Variants in PTPN14 observed in about 807,000 individuals in gnomAD.
The protein encoded by PTPN14 is protein tyrosine phosphatase non-receptor type 14.
In PTPN14, 53 loss-of-function variants were observed where a neutral mutation model predicts 126.8. That is an observed-to-expected ratio of 0.42 (90% CI 0.34 to 0.53). The LOEUF is 0.53. PTPN14 is among the 20% of genes least tolerant of loss of function. The pLI, the probability that PTPN14 is intolerant of heterozygous loss-of-function variation, is 0.08. For synonymous variants in PTPN14, 630 were observed against 599.3 expected, an observed-to-expected ratio of 1.05 and a Z score of -0.75; for missense variants, 1,257 against 1,552.9, an observed-to-expected ratio of 0.81 and a Z score of 3.20.
intron 1 of PTPN14, among the ~76,000 whole-genome samples, chr1:214,467,102 T>C (rs1192341956): frequency 1.3e-5 from 2 of 152,128 alleles, no homozygotes; most frequent in East Asian, 1.9e-4. Flanking sequence ...GTTGGCAGAG[T>C]ATCATGTTTA....
At position 214,381,653 on chromosome 1, in the gene PTPN14, C is replaced by T. The variant is rs372692337; in HGVS notation, c.2544+1658G>A. Among the ~76,000 whole-genome samples, 31 of 152,324 alleles carry T rather than the reference C, an allele frequency of 2.0e-4. No homozygotes were observed. In the South Asian group the frequency reaches 4.3e-3, roughly 21 times the overall value. ...CCCCAGGAACTTGGCTTCCTTAAAA[C>T]TTTGGGCCTTGATTGTTCTTTTCAG... On this transcript the variant is annotated intron_variant, in intron 13 of 18. Coordinates refer to ENST00000366956, the MANE Select transcript of PTPN14 (RefSeq NM_005401.5).
At chr1:214,518,367 ATCC>A (rs1379165870) in intron 1 of PTPN14, among the ~76,000 whole-genome samples, 8 of 152,344 alleles carry the variant, frequency 5.3e-5, no homozygotes, top group Middle Eastern at 3.4e-3. Context: ...GATAAATGAT[ATCC>A]CCAGAATGAC....
chr1:214,491,405 G>A (rs1369614428), intron 1 of PTPN14, among the ~76,000 whole-genome samples: 2 of 152,178 alleles, frequency 1.3e-5, no homozygotes, highest in Non-Finnish European at 2.9e-5. Flanking sequence ...TGACACTAGG[G>A]ACTGGTTTGA....
chr1:214,379,865 C>A (rs1658432036), intron 13 of PTPN14, among the ~76,000 whole-genome samples: 1 of 152,232 alleles, frequency 6.6e-6, no homozygotes, highest in East Asian at 1.9e-4. Context: ...CAAGCCATGC[C>A]CCGACCACCT....
intron 1 of PTPN14, among the ~76,000 whole-genome samples, chr1:214,548,692 C>T (rs1430096933): frequency 2.0e-5 from 3 of 152,142 alleles, no homozygotes; most frequent in African/African-American, 4.8e-5. Context: ...TTTGCTTCCC[C>T]GGAGCAAATT....
chr1:214,382,658 T>C (rs1658500846), intron 13 of PTPN14, among the ~76,000 whole-genome samples: 1 of 152,242 alleles, frequency 6.6e-6, no homozygotes, highest in African/African-American at 2.4e-5. Flanking sequence ...GAAGAGCTAT[T>C]CATGTCTAGT....
At chr1:214,412,724 C>G (rs1247996488) in intron 4 of PTPN14, among the ~76,000 whole-genome samples, 1 of 152,202 alleles carries the variant, frequency 6.6e-6, no homozygotes, top group Non-Finnish European at 1.5e-5. Flanking sequence ...GACTGAACAG[C>G]TAGCTTCAAG....
chr1:214,386,083 C>G (rs1355250177), intron 12 of PTPN14, among the ~76,000 whole-genome samples: 1 of 152,136 alleles, frequency 6.6e-6, no homozygotes, highest in African/African-American at 2.4e-5. Context: ...GTTAGCATAA[C>G]GATTACAAGT....
intron 1 of PTPN14, among the ~76,000 whole-genome samples, chr1:214,498,373 G>T (rs1477566914): frequency 6.6e-6 from 1 of 152,158 alleles, no homozygotes; most frequent in Non-Finnish European, 1.5e-5. Flanking sequence ...ATTGTGGAAG[G>T]TTTCATGGAA....
At chr1:214,358,148 T>C (rs1177440235) in intron 18 of PTPN14, 98 bp from the exon 19 acceptor site, 2 of 1,438,680 alleles carry the variant, frequency 1.4e-6, no homozygotes, top group Non-Finnish European at 1.9e-6. Flanking sequence ...CCACTGCCCA[T>C]GTCCAGGTAC....
In PTPN14 at chr1:214,351,212, G is replaced by A. The variant is rs927010207; in HGVS notation, c.*6710C>T. On this transcript the variant is annotated 3_prime_UTR_variant, in exon 19 of 19. Coordinates refer to ENST00000366956, the MANE Select transcript of PTPN14 (RefSeq NM_005401.5). ...ATATAAAAATTAGCCGGGTGTGGTG[G>A]TGCACGCCTATAATCCCAGCTACTT... 6.6e-6 allele frequency: 1 copy of A among 151,202 alleles called. No individual in the cohort carries two copies. Among genetic ancestry groups the A allele is most frequent in the African/African-American group, 2.4e-5 (1 of 41,078 alleles). 9.4% of individuals were successfully genotyped at this position (151,202 alleles called of 1,614,324 possible). A position where few individuals can be genotyped will look rare whatever the true frequency, so the allele number is the denominator to read the frequency against.
chr1:214,370,799 G>C lies in PTPN14; in HGVS notation c.3037-1108C>G, dbSNP rs80337566. 7.7e-3 allele frequency among the ~76,000 whole-genome samples: 1,180 copies of C among 152,286 alleles called. 16 individuals are homozygous for C. The highest frequency in any genetic ancestry group is 0.027 in the African/African-American group (1,120 of 41,554). ...CTGAGGAGATTCAGGGCAAGGAGTAGGTGGTGAGAGAGAAGGAGCACTGAA... is the reference window on the plus strand; with the variant it reads ...CTGAGGAGATTCAGGGCAAGGAGTACGTGGTGAGAGAGAAGGAGCACTGAA... On this transcript the variant is annotated intron_variant, in intron 16 of 18. Transcript: ENST00000366956.
At chr1:214,414,118 T>G (rs1226412991) in intron 4 of PTPN14, among the ~76,000 whole-genome samples, 1 of 152,162 alleles carries the variant, frequency 6.6e-6, no homozygotes, top group Non-Finnish European at 1.5e-5. Context: ...AATATAAACC[T>G]TTATAGGATG....
chr1:214,549,105 T>C (rs767621948), intron 1 of PTPN14, among the ~76,000 whole-genome samples: 2 of 152,138 alleles, frequency 1.3e-5, no homozygotes, highest in Non-Finnish European at 2.9e-5. Flanking sequence ...CCCAAAGTTG[T>C]AGGAAGTCAG....
At chr1:214,472,427 TC>T (rs1473146535) in intron 1 of PTPN14, among the ~76,000 whole-genome samples, 3 of 152,154 alleles carry the variant, frequency 2.0e-5, no homozygotes, top group Non-Finnish European at 4.4e-5. Flanking sequence ...GTGCCATGCT[TC>T]CTGTACAGCC....
intron 12 of PTPN14, among the ~76,000 whole-genome samples, chr1:214,385,113 G>T (rs573849176): frequency 6.6e-6 from 1 of 152,262 alleles, no homozygotes; most frequent in South Asian, 2.1e-4. Context: ...CCCTCCAGTT[G>T]GGGAGGCCTG....
chr1:214,369,471 A>G lies in PTPN14; in HGVS notation c.3257T>C (p.Val1086Ala). 1.2e-6 allele frequency: 2 copies of G among 1,613,816 alleles called. No individual in the cohort carries two copies. The highest frequency in any genetic ancestry group is 1.7e-6 in the Non-Finnish European group (2 of 1,179,698). ...AAAACACTTACATAAAAATCCTTGG[A>G]CATCTTCTGGACAGCCGTGATCTGG... is the stretch of plus-strand genomic sequence containing the variant. ...DWPDHGCPED[V>A]QGFLSYLEEI... The change falls in exon 17 of 19, where the codon GTC becomes GCC. Residue 1086 changes from valine (V) to alanine (A), a missense_variant. Val to Ala is a moderately conservative substitution (Grantham distance 64, BLOSUM62 0). Transcript: ENST00000366956.
intron 1 of PTPN14, among the ~76,000 whole-genome samples, chr1:214,525,481 A>G (rs1482722961): frequency 6.6e-6 from 1 of 152,236 alleles, no homozygotes; most frequent in Non-Finnish European, 1.5e-5. Flanking sequence ...ACAGCAAAAC[A>G]AAAGTTTAAA....
chr1:214,434,945 C>T (rs1443278151), intron 3 of PTPN14, among the ~76,000 whole-genome samples: 1 of 152,118 alleles, frequency 6.6e-6, no homozygotes, highest in Admixed American at 6.5e-5. Context: ...ATTTGTAACG[C>T]CCTTATCCTT....
Sources: allele counts gnomAD v4.1 joint callset (sites outside exome capture counted in the v4.1 genomes callset), GRCh38; gene constraint gnomAD v4.1.1; transcripts MANE v1.5; gene names NCBI Gene and HGNC (gene_info 2026-07-23, HGNC 2026-07-21).